Variants in PHACTR1 observed in about 807,000 individuals in gnomAD.
The protein encoded by PHACTR1 is RPEL repeat containing 1.
PHACTR1 carries 16 observed loss-of-function variants against 69.2 expected under a neutral mutation model. That is an observed-to-expected ratio of 0.23 (90% CI 0.16 to 0.35). The LOEUF (loss-of-function observed/expected upper bound fraction) is 0.35, where lower values mean the gene tolerates loss of function less well. PHACTR1 is among the 10% of genes least tolerant of loss of function. The pLI, the probability that PHACTR1 is intolerant of heterozygous loss-of-function variation, is 1.00. For missense variants in PHACTR1, 510 were observed against 734.7 expected (o/e 0.69, Z 3.54); for synonymous variants, 312 against 284.5 (o/e 1.10, Z -0.97).
At chr6:12,960,643 C>CAA (rs987640426) in intron 4 of PHACTR1, among the ~76,000 whole-genome samples, 8 of 152,204 alleles carry the variant, frequency 5.3e-5, no homozygotes, top group East Asian at 1.9e-4. Flanking sequence ...CGGACAGCCC[C>CAA]AAACACCTTC....
At chr6:13,164,069 T>C (rs1759431111) in intron 6 of PHACTR1, among the ~76,000 whole-genome samples, 1 of 152,076 alleles carries the variant, frequency 6.6e-6, no homozygotes, top group Admixed American at 6.5e-5. Flanking sequence ...AGTACAAAGA[T>C]CTGTGACCTC....
intron 4 of PHACTR1, among the ~76,000 whole-genome samples, chr6:12,845,420 A>ACCCC (rs1491491873): frequency 7.0e-5 from 1 of 14,240 alleles, no homozygotes; most frequent in Non-Finnish European, 1.7e-4. Context: ...GTCATTGTGA[A>ACCCC]CACCACCCAC....
intron 5 of PHACTR1, among the ~76,000 whole-genome samples, chr6:13,077,303 A>T (rs1438624439): frequency 1.3e-5 from 2 of 152,114 alleles, no homozygotes; most frequent in African/African-American, 4.8e-5. Context: ...AAACTGAAAC[A>T]CAGGGAAGTT....
chr6:13,218,870 A>G lies in PHACTR1; in HGVS notation c.987-8946A>G. On this transcript the variant is annotated intron_variant, in intron 8 of 14. Transcript: ENST00000332995. ...GGAGGAGGAAAGAGAAGAGAAGAGA[A>G]GAGAAGAGAAGAGAAGAGAAGAGAA... Among the ~76,000 whole-genome samples the G allele has an allele frequency of 2.8e-4, 5 of 17,556 alleles. No individual in the cohort carries two copies. The South Asian group carries it at 6.2e-3, about 22-fold the overall frequency. 11.5% of individuals were successfully genotyped at this position (17,556 alleles called of 152,430 possible).
chr6:13,251,322 G>A (rs1051094302), intron 10 of PHACTR1, among the ~76,000 whole-genome samples: 105 of 152,344 alleles, frequency 6.9e-4, no homozygotes, highest in African/African-American at 2.4e-3. Flanking sequence ...GATGGAGGCA[G>A]GTGTTTATCT....
At chr6:12,939,669 C>A (rs988539131) in intron 4 of PHACTR1, among the ~76,000 whole-genome samples, 18 of 152,088 alleles carry the variant, frequency 1.2e-4, no homozygotes, top group African/African-American at 4.3e-4. Flanking sequence ...GAGCTGCAAG[C>A]AACCTAAGTG....
chr6:13,126,035 A>G (rs1044858480), intron 5 of PHACTR1, among the ~76,000 whole-genome samples: 6 of 152,210 alleles, frequency 3.9e-5, no homozygotes, highest in Admixed American at 2.0e-4. Flanking sequence ...CTTGGTTAAT[A>G]TTTGATATTA....
intron 13 of PHACTR1, 64 bp from the exon 14 acceptor site, chr6:13,286,082 C>T: frequency 7.3e-7 from 1 of 1,362,294 alleles, no homozygotes; most frequent in Non-Finnish European, 1.0e-6. Flanking sequence ...TAGGAATGAA[C>T]TGAAAGGGGA....
At chr6:12,758,766 G>A (rs1767669187) in intron 4 of PHACTR1, among the ~76,000 whole-genome samples, 1 of 152,074 alleles carries the variant, frequency 6.6e-6, no homozygotes, top group African/African-American at 2.4e-5. Context: ...CACATTTAAA[G>A]CTGGACATTG....
chr6:12,803,456 G>A (rs1302314050), intron 4 of PHACTR1, among the ~76,000 whole-genome samples: 3 of 152,058 alleles, frequency 2.0e-5, no homozygotes, highest in African/African-American at 4.8e-5. Flanking sequence ...CCTCCCGAAA[G>A]GAAGAAGAGG....
At chr6:12,851,536 C>T (rs6917097) in intron 4 of PHACTR1, among the ~76,000 whole-genome samples, 76,621 of 152,002 alleles carry the variant, frequency 0.5, 21,278 homozygotes, top group East Asian at 0.81. Flanking sequence ...TCCTTAATTA[C>T]GCAAGCACCC....
At chr6:13,086,496 T>G (rs1424503529) in intron 5 of PHACTR1, among the ~76,000 whole-genome samples, 1 of 152,096 alleles carries the variant, frequency 6.6e-6, no homozygotes, top group African/African-American at 2.4e-5. Context: ...TGTAGACAAC[T>G]TTTCTTCACC....
intron 4 of PHACTR1, among the ~76,000 whole-genome samples, chr6:12,922,664 T>C (rs1219906816): frequency 6.6e-6 from 1 of 152,218 alleles, no homozygotes; most frequent in Non-Finnish European, 1.5e-5. Context: ...CCTTTACCCA[T>C]TCATTTTCAA....
intron 5 of PHACTR1, among the ~76,000 whole-genome samples, chr6:13,139,455 G>A (rs1223524): frequency 0.96 from 146,764 of 152,240 alleles, 70,897 homozygotes; most frequent in Non-Finnish European, 0.99. Flanking sequence ...TTTTTCCGTT[G>A]TATTTATATT....
intron 8 of PHACTR1, among the ~76,000 whole-genome samples, chr6:13,223,884 A>G (rs1254912436): frequency 6.6e-6 from 1 of 152,138 alleles, no homozygotes; most frequent in African/African-American, 2.4e-5. Flanking sequence ...TCTTTCAGTT[A>G]TTCATTGAGG....
chr6:13,186,533 T>A (rs770073129), intron 7 of PHACTR1, among the ~76,000 whole-genome samples: 5 of 152,240 alleles, frequency 3.3e-5, no homozygotes, highest in Non-Finnish European at 7.3e-5. Context: ...AAATTAGAAC[T>A]GTTGAGTCAA....
At chr6:13,240,147 T>C (rs1159290766) in intron 10 of PHACTR1, among the ~76,000 whole-genome samples, 3 of 152,094 alleles carry the variant, frequency 2.0e-5, no homozygotes, top group Admixed American at 2.0e-4. Flanking sequence ...CAGCAGCATT[T>C]CAAATTTTGG....
chr6:13,253,098 C>A, intron 10 of PHACTR1: 1 of 451,806 alleles, frequency 2.2e-6, no homozygotes, highest in Non-Finnish European at 4.5e-6. Flanking sequence ...TCCTGCCACC[C>A]GTCTCCTGGC....
At chr6:13,059,050 A>G in intron 5 of PHACTR1, among the ~76,000 whole-genome samples, 1 of 152,202 alleles carries the variant, frequency 6.6e-6, no homozygotes, top group East Asian at 1.9e-4. Flanking sequence ...ATGACTTAGT[A>G]ATGGGTCAAA....
Sources: gnomAD v4.1 joint callset for allele counts (sites outside exome capture counted in the v4.1 genomes callset) on GRCh38, gnomAD v4.1.1 for gene constraint, MANE v1.5 for transcripts, NCBI Gene and HGNC (gene_info 2026-07-23, HGNC 2026-07-21) for gene names.